SBF2: variants seen among roughly 807,000 people sequenced by gnomAD.
SBF2 encodes myotubularin-related protein 13.
Under a neutral mutation model 225.2 loss-of-function variants are expected in SBF2, and 112 were observed. The observed-to-expected ratio is 0.50, with a 90% confidence interval of 0.43 to 0.58. SBF2 has a LOEUF of 0.58. Among genes scored for constraint, SBF2 ranks in the 20% least tolerant of loss-of-function variants. The pLI is 0.00. For missense variants in SBF2, 1,996 were observed against 2,206.2 expected (o/e 0.90, Z 1.91); for synonymous variants, 763 against 773.3 (o/e 0.99, Z 0.22).
Position 10,017,519 on chromosome 11 carries a change from C to A in SBF2, c.619+10933G>T, listed in dbSNP as rs1590764804. ...CAGTGAATAAAGACAATATCCTTAA[C>A]TTCATGGATTAACTAAAACTTTATA... On this transcript the variant is annotated intron_variant, in intron 6 of 39. Transcript: ENST00000256190. Among the ~76,000 whole-genome samples the A allele has an allele frequency of 1.3e-5, 2 of 151,690 alleles. 1 individual carries two copies. Among genetic ancestry groups the A allele is most frequent in the South Asian group, 4.2e-4 (2 of 4,792 alleles).
intron 25 of SBF2, among the ~76,000 whole-genome samples, chr11:9,841,812 G>T (rs1423715226): frequency 6.6e-6 from 1 of 152,200 alleles, no homozygotes; most frequent in African/African-American, 2.4e-5. Flanking sequence ...GGGATTACAG[G>T]CATGAGCCAC....
At chr11:9,874,884 T>C (rs189040062) in intron 17 of SBF2, among the ~76,000 whole-genome samples, 32 of 152,264 alleles carry the variant, frequency 2.1e-4, no homozygotes, top group African/African-American at 7.7e-4. Context: ...GAAGAGCCAA[T>C]AGTACAAAAA....
chr11:9,913,706 A>G (rs1862838863), intron 16 of SBF2, among the ~76,000 whole-genome samples: 1 of 151,360 alleles, frequency 6.6e-6, no homozygotes, highest in South Asian at 2.1e-4. Flanking sequence ...GAAAAAACCA[A>G]AATGTCCACA....
intron 30 of SBF2, among the ~76,000 whole-genome samples, chr11:9,811,678 T>C (rs560814432): frequency 6.6e-6 from 1 of 152,250 alleles, no homozygotes; most frequent in African/African-American, 2.4e-5. Context: ...GGTTTAAGTA[T>C]CTTGAGAACA....
intron 16 of SBF2, among the ~76,000 whole-genome samples, chr11:9,911,604 G>C (rs1564990863): frequency 6.6e-6 from 1 of 152,130 alleles, no homozygotes; most frequent in African/African-American, 2.4e-5. Context: ...TAAATGTAAA[G>C]TGTTTATAAA....
chr11:10,085,436 T>C (rs1951527287), intron 2 of SBF2, among the ~76,000 whole-genome samples: 1 of 152,178 alleles, frequency 6.6e-6, no homozygotes, highest in Admixed American at 6.5e-5. Flanking sequence ...GAAGATTTTA[T>C]TTCATGTACT....
intron 2 of SBF2, among the ~76,000 whole-genome samples, chr11:10,048,394 G>A (rs1949947924): frequency 6.6e-6 from 1 of 152,138 alleles, no homozygotes. Flanking sequence ...AACTGCTTGT[G>A]TCTTAATAGG....
At chr11:10,026,138 C>T (rs555873205) in intron 6 of SBF2, among the ~76,000 whole-genome samples, 8 of 151,402 alleles carry the variant, frequency 5.3e-5, no homozygotes, top group East Asian at 3.9e-4. Flanking sequence ...TGGTCCTTGA[C>T]GCTAAATGCT....
chr11:9,802,196 A>G (rs1035380239), intron 32 of SBF2, among the ~76,000 whole-genome samples: 1 of 152,192 alleles, frequency 6.6e-6, no homozygotes. Context: ...TAATCTTTGT[A>G]TATTGGATTT....
rs779328934 is a variant in SBF2 at position 9,858,316 on chromosome 11, C to T, written c.2010G>A (p.Glu670=). 6 of 1,614,096 alleles carry T rather than the reference C, an allele frequency of 3.7e-6. No individual in the cohort carries two copies. The highest frequency in any genetic ancestry group is 5.1e-6 in the Non-Finnish European group (6 of 1,180,036). ...CCTGCACTGCATTGTAAAAGGTTGT[C>T]TCCCAAAATTGCTGATTTGTCCAAA... ...HPIWTNQQFW[E]TTFYNAVQEQ... Residue 670 remains glutamate (E), a synonymous_variant, in exon 18 of 40, where the codon GAG becomes GAA. Coordinates refer to ENST00000256190, the MANE Select transcript of SBF2 (RefSeq NM_030962.4).
intron 16 of SBF2, among the ~76,000 whole-genome samples, chr11:9,907,299 C>G (rs1323647217): frequency 6.6e-6 from 1 of 152,134 alleles, no homozygotes; most frequent in East Asian, 1.9e-4. Context: ...CATATGGGCC[C>G]CTGCCACAAG....
intron 2 of SBF2, chr11:10,044,755 A>C (rs1273427400): frequency 6.5e-6 from 1 of 153,062 alleles, no homozygotes. Context: ...AGACATGTCC[A>C]GACACGTCTT....
chr11:10,123,373 C>T (rs1035861830), intron 2 of SBF2, among the ~76,000 whole-genome samples: 1 of 152,110 alleles, frequency 6.6e-6, no homozygotes, highest in African/African-American at 2.4e-5. Flanking sequence ...ATACTCTAAT[C>T]ACTTGTTCTA....
chr11:10,275,245 G>A (rs1259073486), intron 1 of SBF2, among the ~76,000 whole-genome samples: 1 of 152,110 alleles, frequency 6.6e-6, no homozygotes, highest in Non-Finnish European at 1.5e-5. Context: ...GAAAGCAAAG[G>A]CAATTAACCT....
intron 2 of SBF2, among the ~76,000 whole-genome samples, chr11:10,176,215 C>T (rs1163867466): frequency 2.0e-5 from 3 of 147,580 alleles, no homozygotes; most frequent in Non-Finnish European, 4.5e-5. Flanking sequence ...ATTTATAGCA[C>T]TAAATGCCCA....
chr11:9,964,361 A>C (rs1347734630), intron 14 of SBF2, among the ~76,000 whole-genome samples: 1 of 152,252 alleles, frequency 6.6e-6, no homozygotes, highest in East Asian at 1.9e-4. Flanking sequence ...CCAGTGTTGA[A>C]GTATCAGGCT....
intron 13 of SBF2, among the ~76,000 whole-genome samples, chr11:9,980,416 A>G (rs564324856): frequency 1.3e-5 from 2 of 151,906 alleles, no homozygotes; most frequent in South Asian, 4.2e-4. Context: ...GATCACAGGC[A>G]TGAGCCACCA....
chr11:9,955,928 T>C (rs1390213702), intron 16 of SBF2, among the ~76,000 whole-genome samples: 2 of 152,138 alleles, frequency 1.3e-5, no homozygotes, highest in Non-Finnish European at 2.9e-5. Flanking sequence ...CCTTAAATAG[T>C]ATATAACATG....
chr11:9,948,177 G>A (rs1239214053), intron 16 of SBF2, among the ~76,000 whole-genome samples: 1 of 151,646 alleles, frequency 6.6e-6, no homozygotes, highest in East Asian at 1.9e-4. Flanking sequence ...AACAAATACT[G>A]TATGATTTCA....
Sources: gnomAD v4.1 joint callset for allele counts (sites outside exome capture counted in the v4.1 genomes callset) on GRCh38, gnomAD v4.1.1 for gene constraint, MANE v1.5 for transcripts, NCBI Gene and HGNC (gene_info 2026-07-23, HGNC 2026-07-21) for gene names.